The following PRKG2 variants were observed in gnomAD, a reference collection of about 807,000 sequenced individuals.
The protein encoded by PRKG2 is protein kinase cGMP-dependent 2, also known as cGMP-dependent protein kinase 2.
A neutral mutation model predicts 97.2 loss-of-function variants in PRKG2; 33 were observed. The observed-to-expected ratio is 0.34, with a 90% CI of 0.26 to 0.45. PRKG2 has a LOEUF of 0.45. Ranked by LOEUF, PRKG2 falls within the 20% of genes least tolerant of loss-of-function variation. PRKG2 has a pLI of 1.00. For synonymous variants in PRKG2, 330 were observed against 321.8 expected (o/e 1.03, Z -0.27); for missense variants, 638 against 900.0 (o/e 0.71, Z 3.73).
intron 9 of PRKG2, 135 bp downstream of exon 9, chr4:81,148,749 G>T: frequency 1.3e-6 from 1 of 786,540 alleles, no homozygotes; most frequent in Non-Finnish European, 2.2e-6. Flanking sequence ...AATTTTAATA[G>T]AATGTACTTG....
chr4:81,204,884 C>A lies in PRKG2; in HGVS notation c.164G>T (p.Arg55Leu), dbSNP rs763996547. Residue 55 changes from arginine to leucine, a missense_variant, in exon 2 of 19, where the codon CGG becomes CTG. Physicochemically the swap from Arg to Leu is moderately radical, Grantham distance 102. Transcript: ENST00000264399. Reference protein sequence around the residue: ...QEREYHLKELREQLSKQTVAI... With the variant: ...QEREYHLKELLEQLSKQTVAI... ...CACAGTCTGCTTCGACAGCTGCTCC[C>A]GCAGCTCCTTCAAATGGTACTCCCG... is the stretch of plus-strand genomic sequence containing the variant. 2.5e-6 allele frequency: 4 copies of A among 1,614,184 alleles called. No individual in the cohort carries two copies. Among genetic ancestry groups the A allele is most frequent in the South Asian group, 1.1e-5 (1 of 91,080 alleles).
chr4:81,160,719 T>G (rs1291621680), intron 6 of PRKG2, among the ~76,000 whole-genome samples: 1 of 152,200 alleles, frequency 6.6e-6, no homozygotes, highest in Non-Finnish European at 1.5e-5. Context: ...TTTAGATCTA[T>G]CCTCATGAAA....
At chr4:81,211,277 T>G (rs1753958554) in intron 1 of PRKG2, among the ~76,000 whole-genome samples, 1 of 152,164 alleles carries the variant, frequency 6.6e-6, no homozygotes, top group East Asian at 1.9e-4. Flanking sequence ...GGGAAAGTGC[T>G]AAGAGGTGGG....
At chr4:81,096,654 A>T (rs1441167805) in intron 17 of PRKG2, among the ~76,000 whole-genome samples, 1 of 152,208 alleles carries the variant, frequency 6.6e-6, no homozygotes, top group African/African-American at 2.4e-5. Flanking sequence ...AACAATATTC[A>T]CAGCATCTTT....
intron 8 of PRKG2, among the ~76,000 whole-genome samples, chr4:81,150,301 T>C (rs1055247968): frequency 1.3e-5 from 2 of 152,290 alleles, no homozygotes; most frequent in Middle Eastern, 3.4e-3. Flanking sequence ...ATTAGATGTA[T>C]GCAAATACAC....
At chr4:81,154,442 C>T (rs1470496137) in intron 6 of PRKG2, among the ~76,000 whole-genome samples, 1 of 150,314 alleles carries the variant, frequency 6.7e-6, no homozygotes. Flanking sequence ...CAGACTGCCT[C>T]CTCAAGTGGG....
chr4:81,179,866 G>T (rs1225787130), intron 2 of PRKG2, among the ~76,000 whole-genome samples: 2 of 152,032 alleles, frequency 1.3e-5, no homozygotes, highest in Non-Finnish European at 2.9e-5. Context: ...GATAGGCCGG[G>T]CGCAGTAGCT....
At chr4:81,212,744 C>G (rs1317452756) in intron 1 of PRKG2, among the ~76,000 whole-genome samples, 1 of 151,912 alleles carries the variant, frequency 6.6e-6, no homozygotes, top group Non-Finnish European at 1.5e-5. Flanking sequence ...GAGGCAAGTG[C>G]CCAGGATATT....
intron 1 of PRKG2, among the ~76,000 whole-genome samples, chr4:81,210,870 A>G (rs1753933446): frequency 6.6e-6 from 1 of 152,176 alleles, no homozygotes; most frequent in Non-Finnish European, 1.5e-5. Context: ...TTATTCAATA[A>G]TAAAAGCAAT....
chr4:81,195,748 A>C (rs1752920503), intron 2 of PRKG2, among the ~76,000 whole-genome samples: 1 of 152,208 alleles, frequency 6.6e-6, no homozygotes, highest in South Asian at 2.1e-4. Context: ...TATATACTAC[A>C]TTTTGTTTCT....
At chr4:81,124,585 C>A (rs1412978814) in intron 14 of PRKG2, among the ~76,000 whole-genome samples, 2 of 152,112 alleles carry the variant, frequency 1.3e-5, no homozygotes, top group African/African-American at 4.8e-5. Context: ...CAATCAGTCC[C>A]AGGAAGAGGC....
intron 1 of PRKG2, among the ~76,000 whole-genome samples, chr4:81,207,270 T>C (rs1293780107): frequency 6.6e-6 from 1 of 152,212 alleles, no homozygotes; most frequent in Non-Finnish European, 1.5e-5. Flanking sequence ...TGACCCATTT[T>C]CTAGACAGCC....
chr4:81,092,378 T>C lies in PRKG2; in HGVS notation c.2193+8A>G. On this transcript the variant is annotated splice_region_variant and intron_variant, in intron 18 of 18. Coordinates refer to ENST00000264399, the MANE Select transcript of PRKG2 (RefSeq NM_006259.3). ...AAAAATAAAAAAGTAATATAATAAA[T>C]ACAATACCTCTCTTTGCAAAGGTGA... 6.5e-7 allele frequency: 1 copy of C among 1,544,810 alleles called. No individual in the cohort carries two copies. Among genetic ancestry groups the C allele is most frequent in the Non-Finnish European group, 8.8e-7 (1 of 1,130,426 alleles).
At chr4:81,194,923 C>CAT (rs35157306) in intron 2 of PRKG2, among the ~76,000 whole-genome samples, 26,603 of 151,244 alleles carry the variant, frequency 0.18, 4,164 homozygotes, top group African/African-American at 0.41. Context: ...TTTTAATATA[C>CAT]ATATATATAT....
Position 81,210,144 on chromosome 4 carries a change from G to T in PRKG2, c.-14+4792C>A, listed in dbSNP as rs1300201252. Among the ~76,000 whole-genome samples the T allele has an allele frequency of 3.9e-5, 6 of 152,002 alleles. No homozygotes were observed. In the South Asian group the frequency reaches 1.2e-3, roughly 32 times the overall value. On this transcript the variant is annotated intron_variant, in intron 1 of 18. Coordinates refer to ENST00000264399, the MANE Select transcript of PRKG2 (RefSeq NM_006259.3). ...TACAAAACCCCCAAAAGACAACATAGGAGAAATTCTAGGTGATCTTGGGTT... is the reference window on the plus strand; with the variant it reads ...TACAAAACCCCCAAAAGACAACATATGAGAAATTCTAGGTGATCTTGGGTT...
chr4:81,184,050 G>A (rs1420111730), intron 2 of PRKG2, among the ~76,000 whole-genome samples: 1 of 152,160 alleles, frequency 6.6e-6, no homozygotes, highest in Non-Finnish European at 1.5e-5. Context: ...TGGGGGAAAG[G>A]GCAGCAGTAA....
intron 10 of PRKG2, 136 bp from the exon 11 acceptor site, chr4:81,143,083 A>G: frequency 8.8e-7 from 1 of 1,141,228 alleles, no homozygotes; most frequent in South Asian, 2.3e-5. Flanking sequence ...GGCTATCCCA[A>G]CTTTTATGGA....
At chr4:81,107,252 T>C (rs1258106020) in intron 15 of PRKG2, among the ~76,000 whole-genome samples, 2 of 152,188 alleles carry the variant, frequency 1.3e-5, no homozygotes, top group East Asian at 1.9e-4. Flanking sequence ...ATTTATGACA[T>C]AGGCATTTAG....
chr4:81,173,203 T>C (rs1750644304), intron 3 of PRKG2, among the ~76,000 whole-genome samples: 1 of 152,142 alleles, frequency 6.6e-6, no homozygotes, highest in Non-Finnish European at 1.5e-5. Context: ...ATCAAATTAA[T>C]TTGCTCAACC....
Sources: gnomAD v4.1 joint callset for allele counts (sites outside exome capture counted in the v4.1 genomes callset) on GRCh38, gnomAD v4.1.1 for gene constraint, MANE v1.5 for transcripts, NCBI Gene and HGNC (gene_info 2026-07-23, HGNC 2026-07-21) for gene names.